RAP1A: variants seen among roughly 807,000 people sequenced by gnomAD.
RAP1A encodes RAP1A, member of RAS oncogene family.
In RAP1A, 6 loss-of-function variants were observed where a neutral mutation model predicts 26.4. The ratio of observed to expected loss-of-function variants is 0.23; its 90% CI spans 0.12 to 0.45. RAP1A has a LOEUF of 0.45. RAP1A is among the 20% of genes least tolerant of loss of function. RAP1A has a pLI of 0.99. For missense variants in RAP1A, 121 were observed against 217.2 expected (o/e 0.56, Z 2.78); for synonymous variants, 73 against 79.4 (o/e 0.92, Z 0.43).
At chr1:111,674,138 G>A (rs776810874) in intron 1 of RAP1A, among the ~76,000 whole-genome samples, 2 of 152,100 alleles carry the variant, frequency 1.3e-5, no homozygotes, top group Admixed American at 6.5e-5. Flanking sequence ...TGAAAGATAC[G>A]CATTTTTGGA....
In RAP1A at chr1:111,703,655, A is replaced by T. The variant is rs150723968; in HGVS notation, c.324+179A>T. 6.6e-5 allele frequency among the ~76,000 whole-genome samples: 10 copies of T among 152,300 alleles called. No homozygotes were observed. The East Asian group carries it at 1.9e-3, about 29-fold the overall frequency. On this transcript the variant is annotated intron_variant, in intron 5 of 7. Coordinates refer to ENST00000369709, the MANE Select transcript of RAP1A (RefSeq NM_002884.4). The stretch of plus-strand genomic sequence containing the variant: ...ATTAACCTCAAAATTATGTGGTGAG[A>T]TGTTTAGAAAATGAGGACATATGTG...
At chr1:111,600,245 CTT>C (rs1051418737) in intron 1 of RAP1A, 3 of 152,320 alleles carry the variant, frequency 2.0e-5, no homozygotes, top group Non-Finnish European at 4.4e-5. Flanking sequence ...CTAAACCCCT[CTT>C]CTTTCAGCTC....
chr1:111,634,609 A>G (rs902464545), intron 1 of RAP1A, among the ~76,000 whole-genome samples: 5 of 150,526 alleles, frequency 3.3e-5, no homozygotes, highest in Admixed American at 1.3e-4. Flanking sequence ...TTATATATAT[A>G]TATGTATGTA....
chr1:111,686,349 A>G (rs529185016), intron 1 of RAP1A, among the ~76,000 whole-genome samples: 8 of 152,134 alleles, frequency 5.3e-5, no homozygotes, highest in Non-Finnish European at 1.0e-4. Context: ...CTATAATTCC[A>G]ACACTTTGGG....
At chr1:111,563,922 G>T in intron 1 of RAP1A, 1 of 1,613,766 alleles carries the variant, frequency 6.2e-7, no homozygotes. Flanking sequence ...GCCTCCTTCT[G>T]CTCAATGGGT....
chr1:111,685,496 T>G (rs1168086108), intron 1 of RAP1A, among the ~76,000 whole-genome samples: 1 of 151,858 alleles, frequency 6.6e-6, no homozygotes, highest in Non-Finnish European at 1.5e-5. Context: ...AAGAAGACAT[T>G]TATGCAGCCA....
Position 111,626,656 on chromosome 1 carries a change from G to A in RAP1A, c.-28+6722G>A, listed in dbSNP as rs115624437. ...TATTTTCAAGATCCTCTTCTCTCCC[G>A]ACCTAATTAATTATGATGTGTTTAT... On this transcript the variant is annotated intron_variant, in intron 1 of 7. Transcript: ENST00000369709. Among the ~76,000 whole-genome samples the A allele has an allele frequency of 8.6e-3, 1,312 of 152,144 alleles. 15 individuals are homozygous for A. Among genetic ancestry groups the A allele is most frequent in the African/African-American group, 0.03 (1,255 of 41,522 alleles).
Position 111,623,567 on chromosome 1 carries a change from C to T in RAP1A, c.-28+3633C>T, listed in dbSNP as rs1241242670. On this transcript the variant is annotated intron_variant, in intron 1 of 7. Transcript: ENST00000369709. The stretch of plus-strand genomic sequence containing the variant: ...GATTACAGGCACGTGCCACCACACC[C>T]GGCTAATTTTTGTATTTTTTTTTAG... Among the ~76,000 whole-genome samples, 7 of 152,084 alleles carry T rather than the reference C, an allele frequency of 4.6e-5. No homozygotes were observed. The East Asian group carries it at 9.7e-4, about 21-fold the overall frequency.
In RAP1A at chr1:111,695,362, A is replaced by G; in HGVS notation, c.79A>G (p.Ile27Val). ...CCAGACAGTTCAGTTTGTTCAGGGA[A>G]TTTTTGTTGAAAAATATGACCCAAC... ...SALTVQFVQG[I>V]FVEKYDPTIE... Residue 27 changes from isoleucine to valine, a missense_variant, in exon 3 of 8, where the codon ATT becomes GTT. Coordinates refer to ENST00000369709, the MANE Select transcript of RAP1A (RefSeq NM_002884.4). 1 of 1,569,250 alleles carries G rather than the reference A, an allele frequency of 6.4e-7. No homozygotes were observed. The highest frequency in any genetic ancestry group is 8.6e-7 in the Non-Finnish European group (1 of 1,164,998).
At position 111,619,911 on chromosome 1, in the gene RAP1A, T is replaced by TGGAGGAGGC. The variant is rs1217785433; in HGVS notation, c.-49_-41dup. 2.6e-4 allele frequency: 53 copies of TGGAGGAGGC among 203,404 alleles called. No homozygotes were observed. The East Asian group carries it at 3.7e-3, about 14-fold the overall frequency. The allele number at this position is 203,404 out of a possible 1,614,324, so 12.6% of individuals were successfully genotyped here. A position where few individuals can be genotyped will look rare whatever the true frequency, so the allele number is the denominator to read the frequency against. On this transcript the variant is annotated 5_prime_UTR_variant, in exon 1 of 8. Coordinates refer to ENST00000369709, the MANE Select transcript of RAP1A (RefSeq NM_002884.4). ...GAGGAGGTGGAGGAGGTGGAGGAGGTGGAGGAGGCGCCGGACCGGGGGGGT... is the reference window on the plus strand; with the variant it reads ...GAGGAGGTGGAGGAGGTGGAGGAGGTGGAGGAGGCGGAGGAGGCGCCGGACCGGGGGGGT...
intron 7 of RAP1A, among the ~76,000 whole-genome samples, chr1:111,712,189 A>G (rs1047853191): frequency 6.6e-6 from 1 of 152,156 alleles, no homozygotes; most frequent in Non-Finnish European, 1.5e-5. Context: ...AACTGAGGAT[A>G]ATTCAAGTTG....
At chr1:111,650,221 G>A (rs971091437) in intron 1 of RAP1A, among the ~76,000 whole-genome samples, 3 of 148,194 alleles carry the variant, frequency 2.0e-5, no homozygotes, top group Non-Finnish European at 4.5e-5. Context: ...GGGCTTCAAA[G>A]AAATTCAGTG....
chr1:111,578,911 G>C (rs1326732020), intron 1 of RAP1A, among the ~76,000 whole-genome samples: 1 of 152,202 alleles, frequency 6.6e-6, no homozygotes, highest in Non-Finnish European at 1.5e-5. Context: ...TGCTGGGATG[G>C]CTCATGGAAT....
In RAP1A at chr1:111,663,149, T is replaced by C. The variant is rs532300052; in HGVS notation, c.-27-28185T>C. Among the ~76,000 whole-genome samples the C allele has an allele frequency of 3.1e-4, 47 of 152,284 alleles. 1 individual carries two copies. Among genetic ancestry groups the C allele is most frequent in the African/African-American group, 1.1e-3 (46 of 41,566 alleles). On this transcript the variant is annotated intron_variant, in intron 1 of 7. Transcript: ENST00000369709. ...GGATGGTCTTGATCTCCTGACCTCA[T>C]GATCCACCCGCCTTGGCCTCCCAAA...
intron 4 of RAP1A, among the ~76,000 whole-genome samples, chr1:111,699,997 C>T (rs2101276476): frequency 6.6e-6 from 1 of 152,194 alleles, no homozygotes; most frequent in Admixed American, 6.5e-5. Context: ...ATTTGGCTTC[C>T]AAGAAACAAT....
intron 1 of RAP1A, among the ~76,000 whole-genome samples, chr1:111,679,616 C>T (rs1190286057): frequency 1.3e-5 from 2 of 152,126 alleles, no homozygotes; most frequent in Admixed American, 6.5e-5. Flanking sequence ...TGGTTTTGCT[C>T]AGCAGGTCCC....
intron 1 of RAP1A, among the ~76,000 whole-genome samples, chr1:111,558,530 A>G (rs191764850): frequency 1.1e-3 from 175 of 152,308 alleles, no homozygotes; most frequent in African/African-American, 4.1e-3. Flanking sequence ...CACATTTGCT[A>G]TTTATAAGGT....
At chr1:111,614,712 T>TA (rs1658984702) in intron 1 of RAP1A, among the ~76,000 whole-genome samples, 1 of 152,180 alleles carries the variant, frequency 6.6e-6, no homozygotes, top group Admixed American at 6.5e-5. Flanking sequence ...ATGTTACTGT[T>TA]AGAGTTAGAC....
intron 1 of RAP1A, among the ~76,000 whole-genome samples, chr1:111,673,648 C>T (rs985174519): frequency 4.6e-5 from 7 of 152,142 alleles, no homozygotes; most frequent in Admixed American, 2.0e-4. Context: ...GGAATCTTAA[C>T]CAGAGTAAGA....
Sources: allele counts gnomAD v4.1 joint callset (sites outside exome capture counted in the v4.1 genomes callset), GRCh38; gene constraint gnomAD v4.1.1; transcripts MANE v1.5; gene names NCBI Gene and HGNC (gene_info 2026-07-23, HGNC 2026-07-21).